The following CADM1 variants were observed in gnomAD, a reference collection of about 807,000 sequenced individuals.
CADM1 encodes cell adhesion molecule 1.
CADM1 carries 15 observed loss-of-function variants against 53.1 expected under a neutral mutation model. The observed-to-expected ratio is 0.28, with a 90% CI of 0.19 to 0.44. The LOEUF is 0.44. CADM1 is among the 20% of genes least tolerant of loss of function. The pLI is 1.00. For synonymous variants in CADM1, 281 were observed against 243.0 expected, an observed-to-expected ratio of 1.16 and a Z score of -1.45; for missense variants, 434 against 611.3, an observed-to-expected ratio of 0.71 and a Z score of 3.06.
intron 1 of CADM1, among the ~76,000 whole-genome samples, chr11:115,318,045 ATTTTT>A (rs1368228507): frequency 1.3e-5 from 2 of 151,424 alleles, no homozygotes; most frequent in Non-Finnish European, 2.9e-5. Flanking sequence ...TTCCCTACTT[ATTTTT>A]TTTAATTTGA....
At chr11:115,392,050 T>C (rs1337549820) in intron 1 of CADM1, among the ~76,000 whole-genome samples, 1 of 152,168 alleles carries the variant, frequency 6.6e-6, no homozygotes, top group Non-Finnish European at 1.5e-5. Flanking sequence ...GTCGTTTCTG[T>C]TCACATGTCA....
chr11:115,439,219 CA>C (rs1386755506), intron 1 of CADM1, among the ~76,000 whole-genome samples: 1 of 152,046 alleles, frequency 6.6e-6, no homozygotes, highest in East Asian at 1.9e-4. Context: ...AAAACTGGCC[CA>C]AAATGTAAAA....
chr11:115,214,674 TA>T lies in CADM1; in HGVS notation c.927del (p.Thr310HisfsTer9). On this transcript the variant is annotated frameshift_variant, in exon 7 of 12. Transcript: ENST00000331581. LOFTEE classifies it high-confidence loss of function. ...ATGTTTGAAGCTTCACAGCGGTATG[TA>T]CCATTATCTGTTTTGTTTAGGTTAT... ...FINNLNKTDN[G>X]TYRCEASNIV... 1 of 1,614,062 alleles carries T rather than the reference TA, an allele frequency of 6.2e-7. No homozygotes were observed. Among genetic ancestry groups the T allele is most frequent in the Non-Finnish European group, 8.5e-7 (1 of 1,179,934 alleles).
chr11:115,247,961 G>A (rs1374194913), intron 1 of CADM1, among the ~76,000 whole-genome samples: 2 of 152,216 alleles, frequency 1.3e-5, no homozygotes, highest in African/African-American at 4.8e-5. Context: ...AAAGAATTAT[G>A]TAAAGTTTCT....
rs1173660294 is a variant in CADM1, at chr11:115,169,632, G to T, written c.*6842C>A. On this transcript the variant is annotated 3_prime_UTR_variant, in exon 12 of 12. Coordinates refer to ENST00000331581, the MANE Select transcript of CADM1 (RefSeq NM_001301043.2). Reference sequence around the variant, plus strand: ...GGAGGTTAGAGAAAACAGGCCTAGAGAGAGGGAGAGAAAGAGAAAGAGAGA... The same window carrying T: ...GGAGGTTAGAGAAAACAGGCCTAGATAGAGGGAGAGAAAGAGAAAGAGAGA... 5 of 456,672 alleles carry T rather than the reference G, an allele frequency of 1.1e-5. No homozygotes were observed. The highest frequency in any genetic ancestry group is 2.2e-5 in the Non-Finnish European group (5 of 226,956). The allele number at this position is 456,672 out of a possible 1,614,324, so 28.3% of individuals were successfully genotyped here. A position where few individuals can be genotyped will look rare whatever the true frequency, so the allele number is the denominator to read the frequency against.
intron 1 of CADM1, among the ~76,000 whole-genome samples, chr11:115,372,407 A>G (rs1299225297): frequency 1.3e-5 from 2 of 152,154 alleles, no homozygotes; most frequent in Non-Finnish European, 2.9e-5. Flanking sequence ...AGAAAAAAAT[A>G]CCAGGAATCA....
chr11:115,363,025 C>A (rs1946068869), intron 1 of CADM1, among the ~76,000 whole-genome samples: 1 of 152,146 alleles, frequency 6.6e-6, no homozygotes, highest in Non-Finnish European at 1.5e-5. Context: ...TCTCATTCAC[C>A]AATTTCAAGT....
intron 1 of CADM1, among the ~76,000 whole-genome samples, chr11:115,469,606 A>G (rs188025557): frequency 6.8e-6 from 1 of 147,476 alleles, no homozygotes; most frequent in Admixed American, 6.8e-5. Flanking sequence ...TTTAGTTTTT[A>G]TTCTTTTCCT....
At chr11:115,454,023 T>C (rs1373557709) in intron 1 of CADM1, among the ~76,000 whole-genome samples, 3 of 151,974 alleles carry the variant, frequency 2.0e-5, no homozygotes, top group Admixed American at 1.3e-4. Flanking sequence ...AGTTCATTCA[T>C]TGGTCATTTT....
chr11:115,223,015 CAGGGACTGGCA>C (rs1462903670), intron 5 of CADM1, among the ~76,000 whole-genome samples: 1 of 152,000 alleles, frequency 6.6e-6, no homozygotes, highest in Non-Finnish European at 1.5e-5. Flanking sequence ...AGAACGGTGC[CAGGGACTGGCA>C]CACAGTAAGC....
intron 1 of CADM1, among the ~76,000 whole-genome samples, chr11:115,278,706 C>T (rs1042199732): frequency 3.3e-5 from 5 of 152,032 alleles, no homozygotes; most frequent in African/African-American, 9.7e-5. Context: ...GTGGGAAATG[C>T]GGACCATGAA....
At chr11:115,293,448 AG>A (rs1943964087) in intron 1 of CADM1, among the ~76,000 whole-genome samples, 1 of 152,236 alleles carries the variant, frequency 6.6e-6, no homozygotes, top group East Asian at 1.9e-4. Context: ...GAAAAAAAAA[AG>A]ATCCAGTATA....
At chr11:115,229,304 G>T (rs773274905) in intron 4 of CADM1, 33 bp from the exon 5 acceptor site, 7 of 1,611,246 alleles carry the variant, frequency 4.3e-6, no homozygotes, top group Non-Finnish European at 5.9e-6. Context: ...AGACACCAGA[G>T]TTGGGTGAAT....
At chr11:115,377,208 A>G (rs948674974) in intron 1 of CADM1, 2 of 152,114 alleles carry the variant, frequency 1.3e-5, no homozygotes, top group Non-Finnish European at 2.9e-5. Context: ...TGACCTACAG[A>G]ACTTTGTGCA....
intron 1 of CADM1, among the ~76,000 whole-genome samples, chr11:115,275,244 G>T (rs908565609): frequency 2.0e-5 from 3 of 151,870 alleles, no homozygotes; most frequent in Non-Finnish European, 4.4e-5. Flanking sequence ...TCCTCCTCTC[G>T]CCCACGTCTT....
intron 2 of CADM1, 62 bp downstream of exon 2, chr11:115,240,212 T>C (rs1942175902): frequency 1.3e-6 from 2 of 1,548,532 alleles, no homozygotes; most frequent in Admixed American, 3.4e-5. Context: ...TAGCAATCTC[T>C]TTATCAAGAC....
chr11:115,297,884 A>C (rs1944120318), intron 1 of CADM1, among the ~76,000 whole-genome samples: 1 of 152,220 alleles, frequency 6.6e-6, no homozygotes, highest in Non-Finnish European at 1.5e-5. Flanking sequence ...GAGCTGCACT[A>C]ATGTGGAACA....
At chr11:115,385,744 A>C (rs910630126) in intron 1 of CADM1, among the ~76,000 whole-genome samples, 10 of 152,164 alleles carry the variant, frequency 6.6e-5, no homozygotes, top group Non-Finnish European at 2.9e-5. Flanking sequence ...ATAAAGCCTT[A>C]ATTTCACCAC....
chr11:115,473,922 C>T (rs557116275), intron 1 of CADM1, among the ~76,000 whole-genome samples: 1 of 152,084 alleles, frequency 6.6e-6, no homozygotes, highest in East Asian at 1.9e-4. Context: ...AAAACGTATG[C>T]AAATCATATA....
Sources: allele counts gnomAD v4.1 joint callset (sites outside exome capture counted in the v4.1 genomes callset), GRCh38; gene constraint gnomAD v4.1.1; transcripts MANE v1.5; gene names NCBI Gene and HGNC (gene_info 2026-07-23, HGNC 2026-07-21).